The following LEPR variants were observed in gnomAD, a reference collection of about 807,000 sequenced individuals.
LEPR encodes the protein OB receptor.
In LEPR, 56 loss-of-function variants were observed where a neutral mutation model predicts 114.7. The observed-to-expected ratio is 0.49, with a 90% CI of 0.39 to 0.61. The LOEUF (loss-of-function observed/expected upper bound fraction) is 0.61. Among genes scored for constraint, LEPR ranks in the 20% least tolerant of loss-of-function variants. LEPR has a pLI of 0.00. For synonymous variants in LEPR, 443 were observed against 461.4 expected (o/e 0.96, Z 0.51); for missense variants, 1,202 against 1,352.9 (o/e 0.89, Z 1.75).
At chr1:65,609,341 G>C (rs772044444) in intron 12 of LEPR, among the ~76,000 whole-genome samples, 1 of 152,082 alleles carries the variant, frequency 6.6e-6, no homozygotes, top group Non-Finnish European at 1.5e-5. Context: ...ATATCTTTTA[G>C]TACATACATG....
chr1:65,572,561 G>T, intron 5 of LEPR, 112 bp downstream of exon 5: 2 of 1,137,552 alleles, frequency 1.8e-6, no homozygotes, highest in African/African-American at 1.6e-5. Flanking sequence ...CCTATTATAT[G>T]TTTTATTTTT....
chr1:65,465,224 G>A (rs1365518739), intron 2 of LEPR, among the ~76,000 whole-genome samples: 1 of 152,156 alleles, frequency 6.6e-6, no homozygotes, highest in African/African-American at 2.4e-5. Flanking sequence ...GGTACATTGT[G>A]TCTATGTTCT....
chr1:65,517,091 T>C (rs1475080205), intron 2 of LEPR, among the ~76,000 whole-genome samples: 1 of 152,252 alleles, frequency 6.6e-6, no homozygotes, highest in Non-Finnish European at 1.5e-5. Context: ...CTTTTACCTC[T>C]ACCAGTTTGT....
chr1:65,636,609 T>TA lies in LEPR; in HGVS notation c.3093dup (p.Glu1032ArgfsTer28), dbSNP rs1658729048. 1 of 1,613,784 alleles carries TA rather than the reference T, an allele frequency of 6.2e-7. No individual in the cohort carries two copies. Among genetic ancestry groups the TA allele is most frequent in the Non-Finnish European group, 8.5e-7 (1 of 1,179,932 alleles). On this transcript the variant is annotated frameshift_variant, in exon 20 of 20. Transcript: ENST00000349533. LOFTEE classifies it low-confidence loss of function (END_TRUNC). ...TCTTTCTCTAATAGCTCATGGGAGA[T>TA]AGAGGCCCAGGCATTTTTTATATTA... is the stretch of plus-strand genomic sequence containing the variant.
intron 2 of LEPR, among the ~76,000 whole-genome samples, chr1:65,429,551 C>A (rs945272714): frequency 6.6e-6 from 1 of 152,138 alleles, no homozygotes; most frequent in African/African-American, 2.4e-5. Context: ...ATAGGGAAGG[C>A]AGAAATGACC....
intron 2 of LEPR, among the ~76,000 whole-genome samples, chr1:65,460,526 G>A (rs1240229584): frequency 6.6e-6 from 1 of 152,094 alleles, no homozygotes; most frequent in Non-Finnish European, 1.5e-5. Flanking sequence ...GAATAATAAT[G>A]TGTTAAATAT....
intron 2 of LEPR, among the ~76,000 whole-genome samples, chr1:65,429,508 A>G (rs1391362580): frequency 6.6e-6 from 1 of 152,232 alleles, no homozygotes; most frequent in Non-Finnish European, 1.5e-5. Flanking sequence ...ATCTTTACCG[A>G]ACTAGCTTTT....
At chr1:65,475,909 G>A (rs373206841) in intron 2 of LEPR, among the ~76,000 whole-genome samples, 17 of 151,662 alleles carry the variant, frequency 1.1e-4, no homozygotes, top group Middle Eastern at 3.4e-3. Flanking sequence ...CCTGCTGCTC[G>A]GGAGGCTTGA....
rs1026220736 is a variant in LEPR at position 65,639,234 on chromosome 1, C to A, written c.*2219C>A. 1.3e-5 allele frequency: 2 copies of A among 152,186 alleles called. No individual in the cohort carries two copies. Among genetic ancestry groups the A allele is most frequent in the African/African-American group, 4.8e-5 (2 of 41,442 alleles). The allele number at this position is 152,186 out of a possible 1,614,324, so 9.4% of individuals were successfully genotyped here. ...AGAAATGTAGTGACAGCACATTAAC[C>A]TGAGATCATTGATACCATCTTGGTT... On this transcript the variant is annotated 3_prime_UTR_variant, in exon 20 of 20. Transcript: ENST00000349533.
rs778003419 is a variant in LEPR, at chr1:65,570,508, T to C, written c.76T>C (p.Tyr26His). ...TGTGATAACTGCGTTTAACTTGTCATATCCAATTACTCCTTGGAGATTTAA... is the reference window on the plus strand; with the variant it reads ...TGTGATAACTGCGTTTAACTTGTCACATCCAATTACTCCTTGGAGATTTAA... ...IYVITAFNLS[Y>H]PITPWRFKLS... Residue 26 changes from tyrosine (Y) to histidine (H), a missense_variant, in exon 4 of 20, where the codon TAT becomes CAT. Coordinates refer to ENST00000349533, the MANE Select transcript of LEPR (RefSeq NM_002303.6). 8 of 1,613,822 alleles carry C rather than the reference T, an allele frequency of 5.0e-6. No individual in the cohort carries two copies. In the Admixed American group the frequency reaches 1.2e-4, roughly 24 times the overall value.
chr1:65,449,160 G>T (rs191999216), intron 2 of LEPR, among the ~76,000 whole-genome samples: 1 of 151,994 alleles, frequency 6.6e-6, no homozygotes, highest in Admixed American at 6.6e-5. Flanking sequence ...TCCCAAAGGC[G>T]TAAGCCACTG....
intron 2 of LEPR, among the ~76,000 whole-genome samples, chr1:65,550,338 CTT>C (rs1652205423): frequency 1.3e-5 from 2 of 152,330 alleles, no homozygotes; most frequent in African/African-American, 4.8e-5. Context: ...CCACTGCTCT[CTT>C]CAACGCTGTC....
intron 2 of LEPR, among the ~76,000 whole-genome samples, chr1:65,458,512 G>A (rs997569556): frequency 3.3e-5 from 5 of 152,088 alleles, no homozygotes; most frequent in African/African-American, 4.8e-5. Context: ...TGTTTGAGTC[G>A]TTTTTGAAGA....
In LEPR at chr1:65,610,091, G is replaced by C. The variant is rs746296875; in HGVS notation, c.1897G>C (p.Val633Leu). ...TTGGAGCAATCCAGCCTACACAGTT[G>C]TCATGGATATAAAAGGTCTGCAGAG... ...SNWSNPAYTV[V>L]MDIKVPMRGP... The change falls in exon 13 of 20, where the codon GTC becomes CTC. Residue 633 changes from valine to leucine, a missense_variant. Coordinates refer to ENST00000349533, the MANE Select transcript of LEPR (RefSeq NM_002303.6). 6.4e-5 allele frequency: 104 copies of C among 1,614,074 alleles called. No homozygotes were observed. Among genetic ancestry groups the C allele is most frequent in the Non-Finnish European group, 8.5e-5 (100 of 1,180,014 alleles).
intron 5 of LEPR, among the ~76,000 whole-genome samples, chr1:65,581,544 G>A (rs1189704965): frequency 1.3e-5 from 2 of 151,734 alleles, no homozygotes; most frequent in South Asian, 2.1e-4. Flanking sequence ...AAACTACCTG[G>A]ACCTCCAGTG....
intron 2 of LEPR, among the ~76,000 whole-genome samples, chr1:65,465,619 G>A (rs921588429): frequency 6.6e-6 from 1 of 152,164 alleles, no homozygotes; most frequent in Non-Finnish European, 1.5e-5. Flanking sequence ...AATATTGACA[G>A]TGAGGTGTTA....
At chr1:65,510,410 C>T (rs1337783126) in intron 2 of LEPR, among the ~76,000 whole-genome samples, 1 of 152,158 alleles carries the variant, frequency 6.6e-6, no homozygotes, top group Non-Finnish European at 1.5e-5. Context: ...TGAGCTTTAG[C>T]AAGGCAGAAG....
rs1649955799 is a variant in LEPR, at chr1:65,526,212, A to G, written c.-20-39334A>G. ...AACAGTAAACCCTGGGGTCCTGAAG[A>G]GAATTTGCTGGTTCGAATGACAAGA... On this transcript the variant is annotated intron_variant, in intron 2 of 19. Transcript: ENST00000349533. 16 of 985,260 alleles carry G rather than the reference A, an allele frequency of 1.6e-5. No homozygotes were observed. In the South Asian group the frequency reaches 4.2e-4, roughly 26 times the overall value. 61.0% of individuals were successfully genotyped at this position (985,260 alleles called of 1,614,324 possible).
chr1:65,465,952 A>G (rs994850873), intron 2 of LEPR, among the ~76,000 whole-genome samples: 5 of 152,138 alleles, frequency 3.3e-5, no homozygotes, highest in Non-Finnish European at 7.4e-5. Flanking sequence ...TGAATACAGC[A>G]CACTGATGGG....
Sources: gnomAD v4.1 joint callset for allele counts (sites outside exome capture counted in the v4.1 genomes callset) on GRCh38, gnomAD v4.1.1 for gene constraint, MANE v1.5 for transcripts, NCBI Gene and HGNC (gene_info 2026-07-23, HGNC 2026-07-21) for gene names.